MCF2L: variants seen among roughly 807,000 people sequenced by gnomAD.
MCF2L encodes the protein MCF.2 cell line derived transforming sequence like.
A neutral mutation model predicts 153.4 loss-of-function variants in MCF2L; 97 were observed. The observed-to-expected ratio is 0.63, with a 90% confidence interval of 0.54 to 0.75. The LOEUF is 0.75. Ranked by LOEUF, MCF2L falls within the 30% of genes least tolerant of loss-of-function variation. The probability of loss-of-function intolerance (pLI) is 0.00; values close to 1 mark genes in which losing one functional copy is unlikely to be tolerated. For synonymous variants in MCF2L, 659 were observed against 632.2 expected, an observed-to-expected ratio of 1.04 and a Z score of -0.64; for missense variants, 1,347 against 1,495.2, an observed-to-expected ratio of 0.90 and a Z score of 1.64.
In MCF2L at chr13:113,075,081, C is replaced by A. The variant is rs759035961; in HGVS notation, c.1200C>A (p.Arg400=). 2 of 1,613,852 alleles carry A rather than the reference C, an allele frequency of 1.2e-6. No individual in the cohort carries two copies. The highest frequency in any genetic ancestry group is 1.7e-6 in the Non-Finnish European group (2 of 1,180,012). ...AGCACTACGCGGTAGACTCCATCCGCCCAAAGTGCCAGGAGCTCCGGCACC... is the reference window on the plus strand; with the variant it reads ...AGCACTACGCGGTAGACTCCATCCGACCAAAGTGCCAGGAGCTCCGGCACC... ...GNKHYAVDSI[R]PKCQELRHLC... The change falls in exon 11 of 30, where the codon CGC becomes CGA. Residue 400 remains arginine, a synonymous_variant. Coordinates refer to ENST00000535094, the MANE Select transcript of MCF2L (RefSeq NM_001112732.3).
At chr13:113,023,011 C>G (rs576750349) in intron 2 of MCF2L, among the ~76,000 whole-genome samples, 1 of 152,206 alleles carries the variant, frequency 6.6e-6, no homozygotes, top group Non-Finnish European at 1.5e-5. Flanking sequence ...TGGGAGAGTT[C>G]GGAGGATAGA....
upstream of MCF2L, chr13:112,968,855 A>T: frequency 3.8e-6 from 4 of 1,060,488 alleles, no homozygotes; most frequent in Non-Finnish European, 5.0e-6. Flanking sequence ...CTTGTGCGGC[A>T]CCCGCGGGGC....
At chr13:112,895,124 G>T (rs1055400044) in intron 1 of MCF2L, among the ~76,000 whole-genome samples, 3 of 152,146 alleles carry the variant, frequency 2.0e-5, no homozygotes, top group African/African-American at 7.2e-5. Context: ...GGTTGCCGTG[G>T]GCCCTCTGTG....
Position 113,046,191 on chromosome 13 carries a change from G to C in MCF2L, c.369+830G>C, listed in dbSNP as rs748748755. The C allele has an allele frequency of 3.6e-5, 7 of 193,434 alleles. No homozygotes were observed. Among genetic ancestry groups the C allele is most frequent in the Non-Finnish European group, 6.3e-5 (6 of 95,162 alleles). The allele number at this position is 193,434 out of a possible 1,614,324, so 12.0% of individuals were successfully genotyped here. A position where few individuals can be genotyped will look rare whatever the true frequency, so the allele number is the denominator to read the frequency against. ...CACCCGTATGCATGACCCCGGCATG[G>C]AGCATTTTTCACCCACGCTCGCTCT... is the stretch of plus-strand genomic sequence containing the variant. On this transcript the variant is annotated intron_variant, in intron 4 of 29. Transcript: ENST00000535094. The surrounding 1 kb of genome is among the most constrained non-coding windows in gnomAD (Gnocchi z 4.4).
chr13:112,959,431 G>T (rs1025195872), intron 2 of MCF2L, among the ~76,000 whole-genome samples: 1 of 152,066 alleles, frequency 6.6e-6, no homozygotes. Flanking sequence ...CACGGCCTCG[G>T]TGTTTAGGGG....
chr13:112,982,365 C>T (rs1321253072), intron 1 of MCF2L, among the ~76,000 whole-genome samples: 2 of 152,162 alleles, frequency 1.3e-5, no homozygotes, highest in Non-Finnish European at 2.9e-5. Context: ...CAAGGGTGGC[C>T]GCATCCATGG....
At position 113,070,220 on chromosome 13, in the gene MCF2L, G is replaced by A. The variant is rs41286602; in HGVS notation, c.996+47G>A. On this transcript the variant is annotated intron_variant, in intron 9 of 29. Coordinates refer to ENST00000535094, the MANE Select transcript of MCF2L (RefSeq NM_001112732.3). The surrounding 1 kb of genome is among the most constrained non-coding windows in gnomAD (Gnocchi z 5.6). The stretch of plus-strand genomic sequence containing the variant: ...CGGCAGCCGCCCTGATGCTCACGGG[G>A]CCTCCTGTGCCTGCGCCCTGGTCCC... The A allele has an allele frequency of 1.3e-3, 1,639 of 1,292,010 alleles. 4 individuals are homozygous for A. The highest frequency in any genetic ancestry group is 4.1e-3 in the Admixed American group (163 of 39,648). The allele number at this position is 1,292,010 out of a possible 1,614,324, so 80.0% of individuals were successfully genotyped here. A position where few individuals can be genotyped will look rare whatever the true frequency, so the allele number is the denominator to read the frequency against.
chr13:112,986,828 A>G (rs3011540), intron 1 of MCF2L, among the ~76,000 whole-genome samples: 135,851 of 152,340 alleles, frequency 0.89, 60,909 homozygotes, highest in Non-Finnish European at 0.95. Flanking sequence ...GGGCTCCCCC[A>G]ACAGTGGCGC....
At chr13:113,044,676 A>T (rs2086693301) in intron 3 of MCF2L, 1 of 1,612,442 alleles carries the variant, frequency 6.2e-7, no homozygotes. Context: ...GGCTCATCCG[A>T]GGACGGAGGC....
intron 1 of MCF2L, among the ~76,000 whole-genome samples, chr13:112,975,764 A>T (rs926749318): frequency 1.3e-5 from 2 of 152,196 alleles, no homozygotes; most frequent in African/African-American, 4.8e-5. Context: ...AGGAAAAGGA[A>T]GGTTCTGAGA....
intron 1 of MCF2L, among the ~76,000 whole-genome samples, chr13:113,004,447 C>T (rs1248349143): frequency 6.6e-6 from 1 of 152,244 alleles, no homozygotes; most frequent in African/African-American, 2.4e-5. Flanking sequence ...GGCCAGCCCC[C>T]ATGGCGCAGT....
chr13:112,974,086 G>A (rs947517445), intron 1 of MCF2L, among the ~76,000 whole-genome samples: 2 of 151,932 alleles, frequency 1.3e-5, no homozygotes, highest in African/African-American at 2.4e-5. Context: ...CTCATTGCCC[G>A]GCACTTCCTT....
intron 2 of MCF2L, among the ~76,000 whole-genome samples, chr13:112,940,535 CCT>C (rs2081565421): frequency 1.3e-5 from 2 of 152,266 alleles, no homozygotes; most frequent in South Asian, 4.1e-4. Flanking sequence ...ATGTGGGTCA[CCT>C]CTCAGTGGGT....
chr13:112,969,197 G>T (rs181992844), upstream of MCF2L: 110,513 of 1,002,176 alleles, frequency 0.11, 7,161 homozygotes, highest in Non-Finnish European at 0.12. The surrounding 1 kb of genome is among the most constrained non-coding windows in gnomAD (Gnocchi z 4.8). Context: ...CGCAGCGCGC[G>T]CCCCCCTCCC....
rs2034734462 is a variant in MCF2L, at chr13:113,087,372, G to A, written c.2511G>A (p.Lys837=). The change falls in exon 22 of 30, where the codon AAG becomes AAA. Residue 837 remains lysine, a synonymous_variant. Coordinates refer to ENST00000535094, the MANE Select transcript of MCF2L (RefSeq NM_001112732.3). ...PMQRHLFLHE[K]AVLFCKKREE... ...AGCGGCACCTGTTCCTGCACGAGAA[G>A]GCAGTGCTCTTCTGCAAGAAGAGGG... 1 of 1,613,438 alleles carries A rather than the reference G, an allele frequency of 6.2e-7. No individual in the cohort carries two copies. Among genetic ancestry groups the A allele is most frequent in the Non-Finnish European group, 8.5e-7 (1 of 1,180,010 alleles).
chr13:113,016,368 G>T (rs989920531), intron 2 of MCF2L, among the ~76,000 whole-genome samples: 7 of 152,166 alleles, frequency 4.6e-5, no homozygotes, highest in African/African-American at 9.7e-5. Flanking sequence ...ACGGGCAGCC[G>T]CCAGGAACCC....
At chr13:112,995,833 G>C (rs1420893310) in intron 1 of MCF2L, among the ~76,000 whole-genome samples, 1 of 152,312 alleles carries the variant, frequency 6.6e-6, no homozygotes, top group East Asian at 1.9e-4. Context: ...GAGTGAGCAG[G>C]CGTGGCCCGG....
chr13:112,987,789 G>A (rs2140950483), intron 1 of MCF2L, among the ~76,000 whole-genome samples: 2 of 152,332 alleles, frequency 1.3e-5, no homozygotes, highest in South Asian at 4.1e-4. Flanking sequence ...GCAGGGGTGT[G>A]GGAAGTACCC....
intron 17 of MCF2L, among the ~76,000 whole-genome samples, 187 bp from the exon 18 acceptor site, chr13:113,083,811 C>T (rs1447978499): frequency 2.0e-5 from 3 of 152,250 alleles, no homozygotes; most frequent in African/African-American, 7.2e-5. Context: ...CAGCCTGGGG[C>T]TGCACCTGCT....
Sources: allele counts gnomAD v4.1 joint callset (sites outside exome capture counted in the v4.1 genomes callset), GRCh38; gene constraint gnomAD v4.1.1; non-coding constraint Gnocchi (gnomAD v3.1); transcripts MANE v1.5; gene names NCBI Gene and HGNC (gene_info 2026-07-23, HGNC 2026-07-21).